MALT1: variants seen among roughly 807,000 people sequenced by gnomAD.
The protein encoded by MALT1 is MALT1 paracaspase.
A neutral mutation model predicts 85.5 loss-of-function variants in MALT1; 36 were observed. The ratio of observed to expected loss-of-function variants is 0.42; its 90% CI spans 0.32 to 0.56. The LOEUF (loss-of-function observed/expected upper bound fraction) is 0.56, where lower values mean the gene tolerates loss of function less well. MALT1 is among the 20% of genes least tolerant of loss of function. MALT1 has a pLI of 0.10. For missense variants in MALT1, 716 were observed against 981.6 expected, an observed-to-expected ratio of 0.73 and a Z score of 3.62; for synonymous variants, 359 against 361.3, an observed-to-expected ratio of 0.99 and a Z score of 0.07.
At chr18:58,692,445 C>CTCTCTCT (rs1568129469) in intron 2 of MALT1, among the ~76,000 whole-genome samples, 1,293 of 28,362 alleles carry the variant, frequency 0.046, 56 homozygotes, top group Middle Eastern at 0.071. Context: ...TCACTCTCTC[C>CTCTCTCT]CTCCCTCCCT....
intron 10 of MALT1, among the ~76,000 whole-genome samples, chr18:58,724,200 G>T (rs2055022809): frequency 6.6e-6 from 1 of 152,028 alleles, no homozygotes; most frequent in Non-Finnish European, 1.5e-5. Context: ...ATTTTTAATG[G>T]TGCTCAAAGT....
chr18:58,696,337 ATTT>A lies in MALT1; in HGVS notation c.377-5_377-3del, dbSNP rs574285957. ...AAGGAAAATCCCTCTTGTGACTTTA[ATTT>A]TTTTTTTTTTTTTTTTTTTTTTTAG... On this transcript the variant is annotated intron_variant, in intron 2 of 16. Transcript: ENST00000649217. 9.2e-3 allele frequency: 8,988 copies of A among 982,262 alleles called. 1 individual carries two copies. The highest frequency in any genetic ancestry group is 0.031 in the East Asian group (796 of 25,578). The allele number at this position is 982,262 out of a possible 1,614,324, so 60.8% of individuals were successfully genotyped here.
Position 58,724,864 on chromosome 18 carries a change from G to A in MALT1, c.1222+1613G>A, listed in dbSNP as rs949116241. On this transcript the variant is annotated intron_variant, in intron 10 of 16. Coordinates refer to ENST00000649217, the MANE Select transcript of MALT1 (RefSeq NM_006785.4). Reference sequence around the variant, plus strand: ...TCTCTACTAAAAATACAAAAATTGGGCCGGACGCAGTGGCTTACGTCTGTA... The same window carrying A: ...TCTCTACTAAAAATACAAAAATTGGACCGGACGCAGTGGCTTACGTCTGTA... Among the ~76,000 whole-genome samples, 4 of 152,102 alleles carry A rather than the reference G, an allele frequency of 2.6e-5. No homozygotes were observed. In the East Asian group the frequency reaches 7.7e-4, roughly 29 times the overall value.
intron 7 of MALT1, among the ~76,000 whole-genome samples, chr18:58,712,290 A>G (rs1183914217): frequency 1.3e-5 from 2 of 152,102 alleles, no homozygotes; most frequent in Non-Finnish European, 2.9e-5. Flanking sequence ...TTTATTATAT[A>G]TATATTTTTA....
intron 2 of MALT1, among the ~76,000 whole-genome samples, chr18:58,684,439 C>CTTTTTTTTTTTTTTTTTTTTTTTTT (rs548214354): frequency 1.4e-5 from 1 of 73,546 alleles, no homozygotes; most frequent in Non-Finnish European, 2.7e-5. Context: ...AAGATTTACT[C>CTTTTTTTTTTTTTTTTTTTTTTTTT]TTTTTTTTTT....
intron 1 of MALT1, among the ~76,000 whole-genome samples, chr18:58,680,346 A>AC (rs2054302308): frequency 6.6e-6 from 1 of 152,194 alleles, no homozygotes; most frequent in African/African-American, 2.4e-5. Context: ...AGTATGTCTT[A>AC]AAGACCTATG....
chr18:58,681,063 C>CCACT, intron 1 of MALT1, 107 bp from the exon 2 acceptor site: 1 of 835,320 alleles, frequency 1.2e-6, no homozygotes, highest in Non-Finnish European at 1.9e-6. Context: ...CACCACCCAC[C>CCACT]CACTCACTTG....
chr18:58,700,708 G>T, intron 4 of MALT1, 117 bp downstream of exon 4: 1 of 791,240 alleles, frequency 1.3e-6, no homozygotes, highest in Non-Finnish European at 1.8e-6. Context: ...ATTTCACATA[G>T]GTACTTCATC....
At position 58,751,510 on chromosome 18, in the gene MALT1, T is replaced by G. The variant is rs1038198054; in HGVS notation, c.*3668T>G. ...GCTGAAACAGGAGAATCGCATGAAT[T>G]TTTTAAAAAATCTAAACATGTAATT... On this transcript the variant is annotated 3_prime_UTR_variant, in exon 17 of 17. Coordinates refer to ENST00000649217, the MANE Select transcript of MALT1 (RefSeq NM_006785.4). The G allele has an allele frequency of 1.3e-5, 2 of 152,188 alleles. No individual in the cohort carries two copies. The highest frequency in any genetic ancestry group is 4.8e-5 in the African/African-American group (2 of 41,454). The allele number at this position is 152,188 out of a possible 1,614,324, so 9.4% of individuals were successfully genotyped here.
chr18:58,725,628 G>A (rs1023713134), intron 10 of MALT1, among the ~76,000 whole-genome samples: 5 of 152,186 alleles, frequency 3.3e-5, no homozygotes, highest in African/African-American at 1.2e-4. Flanking sequence ...AAAAAATATT[G>A]ATCAGTTTAG....
intron 9 of MALT1, among the ~76,000 whole-genome samples, chr18:58,719,071 GTTAT>G (rs1472051946): frequency 6.6e-6 from 1 of 152,230 alleles, no homozygotes; most frequent in Non-Finnish European, 1.5e-5. Context: ...TGGTAATGTA[GTTAT>G]TTATTGCTGA....
chr18:58,698,066 TG>T (rs1225001405), intron 3 of MALT1, among the ~76,000 whole-genome samples: 112 of 73,290 alleles, frequency 1.5e-3, no homozygotes, highest in South Asian at 2.9e-3. Context: ...TGTTTTGTTT[TG>T]TTTTTTTGTT....
In MALT1 at chr18:58,747,395, T is replaced by C. The variant is rs1568159010; in HGVS notation, c.2038-10T>C. 3 of 1,580,906 alleles carry C rather than the reference T, an allele frequency of 1.9e-6. No homozygotes were observed. Among genetic ancestry groups the C allele is most frequent in the Non-Finnish European group, 2.6e-6 (3 of 1,157,620 alleles). ...ATGCCAATAATAAACCAGATTTTTT[T>C]CCTTTTCAGGAACATCTAGTCTTCA... On this transcript the variant is annotated splice_polypyrimidine_tract_variant and intron_variant, in intron 16 of 16. Transcript: ENST00000649217.
At chr18:58,703,049 C>T (rs142062524) in intron 4 of MALT1, among the ~76,000 whole-genome samples, 4 of 152,118 alleles carry the variant, frequency 2.6e-5, no homozygotes, top group Admixed American at 1.3e-4. Context: ...ACTCAAATGA[C>T]GTTAAGGTTG....
At chr18:58,723,617 G>T (rs2055014415) in intron 10 of MALT1, among the ~76,000 whole-genome samples, 1 of 151,974 alleles carries the variant, frequency 6.6e-6, no homozygotes, top group South Asian at 2.1e-4. Flanking sequence ...TTTGAGGGGG[G>T]TAGCATAAAA....
chr18:58,700,329 G>A (rs2054653437), intron 3 of MALT1, 112 bp from the exon 4 acceptor site: 1 of 753,580 alleles, frequency 1.3e-6, no homozygotes, highest in East Asian at 3.0e-5. Context: ...GAACTTGGGG[G>A]AAAAATGTTG....
intron 2 of MALT1, among the ~76,000 whole-genome samples, chr18:58,681,810 A>G (rs1186042674): frequency 6.6e-6 from 1 of 152,170 alleles, no homozygotes; most frequent in African/African-American, 2.4e-5. Context: ...TTGAATGTTG[A>G]TTAACTCAAC....
chr18:58,702,352 C>T (rs1481289837), intron 4 of MALT1, among the ~76,000 whole-genome samples: 1 of 151,996 alleles, frequency 6.6e-6, no homozygotes, highest in African/African-American at 2.4e-5. Flanking sequence ...CCAGTGCACT[C>T]CAGCCTAGGT....
intron 1 of MALT1, among the ~76,000 whole-genome samples, chr18:58,673,316 A>AC (rs1192765865): frequency 6.6e-6 from 1 of 152,230 alleles, no homozygotes; most frequent in Non-Finnish European, 1.5e-5. Context: ...CTTTACAATA[A>AC]CATATTAAAT....
Sources: allele counts gnomAD v4.1 joint callset (sites outside exome capture counted in the v4.1 genomes callset), GRCh38; gene constraint gnomAD v4.1.1; transcripts MANE v1.5; gene names NCBI Gene and HGNC (gene_info 2026-07-23, HGNC 2026-07-21).